Variants in TBC1D1 observed in about 807,000 individuals in gnomAD.
TBC1D1 encodes TBC1 (tre-2/USP6, BUB2, cdc16) domain family, member 1.
In TBC1D1, 89 loss-of-function variants were observed where a neutral mutation model predicts 125.6. That is an observed-to-expected ratio of 0.71 (90% CI 0.60 to 0.85). TBC1D1 has a LOEUF of 0.85. Ranked by LOEUF, TBC1D1 falls within the 40% of genes least tolerant of loss-of-function variation. TBC1D1 has a pLI of 0.00. For synonymous variants in TBC1D1, 565 were observed against 564.1 expected (o/e 1.00, Z -0.02); for missense variants, 1,377 against 1,469.2 (o/e 0.94, Z 1.03).
intron 10 of TBC1D1, among the ~76,000 whole-genome samples, chr4:38,048,819 G>C (rs553280732): frequency 2.2e-4 from 33 of 152,274 alleles, no homozygotes; most frequent in African/African-American, 7.2e-4. Context: ...TTGAGTGGTA[G>C]TAGTTCATTC....
chr4:38,079,347 A>C (rs576426241), intron 12 of TBC1D1, among the ~76,000 whole-genome samples: 143 of 152,312 alleles, frequency 9.4e-4, no homozygotes, highest in Middle Eastern at 3.4e-3. Context: ...ATACATTCTT[A>C]AGAAAATGGT....
intron 2 of TBC1D1, among the ~76,000 whole-genome samples, chr4:37,965,253 A>C (rs1412786478): frequency 6.6e-6 from 1 of 152,190 alleles, no homozygotes; most frequent in East Asian, 1.9e-4. Context: ...TTCCCCATCC[A>C]AAAATAGGTA....
chr4:38,061,332 G>A (rs1161964889), intron 12 of TBC1D1, among the ~76,000 whole-genome samples: 2 of 152,064 alleles, frequency 1.3e-5, no homozygotes, highest in African/African-American at 4.8e-5. Context: ...TAGATATCTG[G>A]TAGTACATAA....
chr4:38,002,629 CACTT>C (rs1739296838), intron 2 of TBC1D1, among the ~76,000 whole-genome samples: 1 of 152,232 alleles, frequency 6.6e-6, no homozygotes, highest in East Asian at 1.9e-4. Flanking sequence ...GTGTACTAGG[CACTT>C]ACTTTGTCCT....
intron 7 of TBC1D1, among the ~76,000 whole-genome samples, chr4:38,031,177 A>G (rs914357244): frequency 1.3e-5 from 2 of 152,260 alleles, no homozygotes; most frequent in Admixed American, 6.5e-5. Context: ...TGTGAAGCCA[A>G]TGTGGAGCTA....
chr4:38,011,651 G>T (rs1560613832), intron 2 of TBC1D1, among the ~76,000 whole-genome samples: 1 of 152,052 alleles, frequency 6.6e-6, no homozygotes, highest in Non-Finnish European at 1.5e-5. Context: ...TGAATGACGG[G>T]GCACACCTTA....
intron 15 of TBC1D1, among the ~76,000 whole-genome samples, chr4:38,113,194 G>A (rs1454446327): frequency 6.6e-6 from 1 of 152,168 alleles, no homozygotes; most frequent in Non-Finnish European, 1.5e-5. Flanking sequence ...TTTCAAGACA[G>A]AGACAACAGA....
At chr4:38,111,522 ATTAG>A (rs1472282365) in intron 15 of TBC1D1, among the ~76,000 whole-genome samples, 3 of 152,356 alleles carry the variant, frequency 2.0e-5, no homozygotes, top group Admixed American at 6.5e-5. Context: ...CCAAAATAAA[ATTAG>A]TTAGAAATGT....
chr4:38,101,028 T>C (rs28553543), intron 14 of TBC1D1, among the ~76,000 whole-genome samples: 17,938 of 152,210 alleles, frequency 0.12, 1,862 homozygotes, highest in African/African-American at 0.28. Context: ...CTGCCTCTCT[T>C]TTCTTTACCA....
At chr4:38,135,924 A>ATGTGTGTGTGTGTGTG (rs57275262) in intron 19 of TBC1D1, among the ~76,000 whole-genome samples, 2 of 144,984 alleles carry the variant, frequency 1.4e-5, no homozygotes, top group South Asian at 4.3e-4. Flanking sequence ...GTGTGTGTAT[A>ATGTGTGTGTGTGTGTG]TGTGTGTGTG....
At chr4:37,897,168 A>G (rs1460706659) in intron 1 of TBC1D1, among the ~76,000 whole-genome samples, 1 of 152,218 alleles carries the variant, frequency 6.6e-6, no homozygotes, top group African/African-American at 2.4e-5. Flanking sequence ...ATGGATTGAG[A>G]TGGCTTTAAA....
At chr4:37,950,976 C>A (rs1321181706) in intron 2 of TBC1D1, among the ~76,000 whole-genome samples, 1 of 152,066 alleles carries the variant, frequency 6.6e-6, no homozygotes, top group Non-Finnish European at 1.5e-5. Context: ...GTTGGCCAAG[C>A]TGGTCTCGAA....
chr4:37,958,803 C>T (rs1293752164), intron 2 of TBC1D1, among the ~76,000 whole-genome samples: 1 of 152,172 alleles, frequency 6.6e-6, no homozygotes, highest in African/African-American at 2.4e-5. Context: ...GACAGGTGGC[C>T]TGCAAACTTT....
At chr4:38,047,924 T>C in intron 10 of TBC1D1, among the ~76,000 whole-genome samples, 1 of 152,188 alleles carries the variant, frequency 6.6e-6, no homozygotes. Flanking sequence ...GTAAGCCTTA[T>C]TGCTTGCTTT....
At chr4:38,072,368 T>C (rs948205577) in intron 12 of TBC1D1, among the ~76,000 whole-genome samples, 2 of 152,246 alleles carry the variant, frequency 1.3e-5, no homozygotes, top group African/African-American at 4.8e-5. Flanking sequence ...GAGTTTTAAA[T>C]GTGGACCCCG....
intron 2 of TBC1D1, among the ~76,000 whole-genome samples, chr4:37,924,149 C>T (rs552770534): frequency 6.6e-6 from 1 of 152,042 alleles, no homozygotes; most frequent in Non-Finnish European, 1.5e-5. Flanking sequence ...TCAAGCCCTG[C>T]GCTCTAACTG....
chr4:37,944,338 G>C (rs1158829602), intron 2 of TBC1D1, among the ~76,000 whole-genome samples: 5 of 152,184 alleles, frequency 3.3e-5, no homozygotes, highest in Non-Finnish European at 7.3e-5. Flanking sequence ...TGCCTGCTGG[G>C]AGAACCACTA....
At chr4:37,915,924 A>G (rs1719639367) in intron 2 of TBC1D1, among the ~76,000 whole-genome samples, 1 of 152,168 alleles carries the variant, frequency 6.6e-6, no homozygotes, top group South Asian at 2.1e-4. Flanking sequence ...GTCTGTATGA[A>G]TGCAAAATTT....
intron 2 of TBC1D1, among the ~76,000 whole-genome samples, chr4:38,006,623 C>A (rs549657354): frequency 6.6e-6 from 1 of 152,062 alleles, no homozygotes; most frequent in East Asian, 1.9e-4. Flanking sequence ...GGACTACAGG[C>A]ATGTGCCACC....
Sources: gnomAD v4.1 joint callset for allele counts (sites outside exome capture counted in the v4.1 genomes callset) on GRCh38, gnomAD v4.1.1 for gene constraint, MANE v1.5 for transcripts, NCBI Gene and HGNC (gene_info 2026-07-23, HGNC 2026-07-21) for gene names.